Variants in ZNHIT6 observed in about 807,000 individuals in gnomAD.
The protein encoded by ZNHIT6 is zinc finger HIT-type containing 6, also known as box C/D snoRNA protein 1.
Under a neutral mutation model 57.2 loss-of-function variants are expected in ZNHIT6, and 45 were observed. That is an observed-to-expected ratio of 0.79 (90% CI 0.62 to 1.01). ZNHIT6 has a LOEUF of 1.01. Ranked by LOEUF, ZNHIT6 falls within the 50% of genes least tolerant of loss-of-function variation. ZNHIT6 has a pLI of 0.00. For synonymous variants in ZNHIT6, 188 were observed against 190.0 expected (o/e 0.99, Z 0.09); for missense variants, 528 against 567.3 (o/e 0.93, Z 0.70).
chr1:85,696,894 C>T (rs1662387451), intron 5 of ZNHIT6, among the ~76,000 whole-genome samples: 1 of 148,574 alleles, frequency 6.7e-6, no homozygotes, highest in South Asian at 2.2e-4. Context: ...GCTCTGTCTC[C>T]CTGGCTGGAG....
chr1:85,654,220 C>T (rs932615565), intron 9 of ZNHIT6, 122 bp from the exon 10 acceptor site: 16 of 679,426 alleles, frequency 2.4e-5, no homozygotes, highest in African/African-American at 1.7e-4. Context: ...GACACACAAA[C>T]CGCGTCATGT....
At chr1:85,654,184 T>C in intron 9 of ZNHIT6, 86 bp from the exon 10 acceptor site, 1 of 1,186,244 alleles carries the variant, frequency 8.4e-7, no homozygotes, top group South Asian at 1.4e-5. Context: ...CTCCTTCTGA[T>C]GTACAGCAAA....
chr1:85,693,808 C>T (rs1250948031), intron 5 of ZNHIT6, among the ~76,000 whole-genome samples: 1 of 152,148 alleles, frequency 6.6e-6, no homozygotes, highest in African/African-American at 2.4e-5. Flanking sequence ...TAAGATATTT[C>T]ATATGAAGCT....
intron 8 of ZNHIT6, among the ~76,000 whole-genome samples, chr1:85,668,107 A>G (rs936640738): frequency 6.6e-6 from 1 of 150,516 alleles, no homozygotes; most frequent in African/African-American, 2.4e-5. Context: ...TGTAATGTAA[A>G]GTAAAATTTA....
At chr1:85,707,017 C>T (rs1662703788) in intron 1 of ZNHIT6, among the ~76,000 whole-genome samples, 1 of 152,192 alleles carries the variant, frequency 6.6e-6, no homozygotes, top group African/African-American at 2.4e-5. Flanking sequence ...AACCCATCAT[C>T]TGTCCTCAAC....
intron 6 of ZNHIT6, among the ~76,000 whole-genome samples, chr1:85,679,777 G>T (rs147604920): frequency 3.0e-4 from 46 of 152,062 alleles, no homozygotes; most frequent in Admixed American, 1.4e-3. Context: ...TAGAGACGGG[G>T]TTTCACCATG....
intron 8 of ZNHIT6, among the ~76,000 whole-genome samples, chr1:85,658,593 C>T (rs538622935): frequency 4.6e-5 from 7 of 151,822 alleles, no homozygotes; most frequent in East Asian, 2.0e-4. Context: ...TTATGTTGGC[C>T]GGGCACGGTG....
chr1:85,706,638 AT>A, intron 1 of ZNHIT6, 131 bp from the exon 2 acceptor site: 1 of 821,900 alleles, frequency 1.2e-6, no homozygotes, highest in African/African-American at 1.8e-5. Flanking sequence ...GTTGAACATC[AT>A]TTGAAAATTC....
At chr1:85,669,261 T>C (rs2100662744) in intron 8 of ZNHIT6, among the ~76,000 whole-genome samples, 1 of 152,294 alleles carries the variant, frequency 6.6e-6, no homozygotes, top group East Asian at 1.9e-4. Flanking sequence ...GGGGCTCACC[T>C]GAGGCCTTTA....
intron 5 of ZNHIT6, among the ~76,000 whole-genome samples, chr1:85,701,248 C>T (rs933489222): frequency 6.6e-6 from 1 of 152,114 alleles, no homozygotes; most frequent in African/African-American, 2.4e-5. Context: ...AAGAGTACAA[C>T]TGGAAAGGCT....
intron 8 of ZNHIT6, 72 bp downstream of exon 8, chr1:85,677,164 G>T: frequency 9.1e-7 from 1 of 1,095,618 alleles, no homozygotes; most frequent in Non-Finnish European, 1.3e-6. Context: ...AATAACTTGA[G>T]CTAATCAAGC....
At chr1:85,665,663 C>G (rs1387906473) in intron 8 of ZNHIT6, among the ~76,000 whole-genome samples, 1 of 152,092 alleles carries the variant, frequency 6.6e-6, no homozygotes, top group Non-Finnish European at 1.5e-5. Context: ...GATTTTAAAT[C>G]TTAATCTTTA....
rs776734332 is a variant in ZNHIT6 at position 85,707,862 on chromosome 1, C to T, written c.423G>A (p.Lys141=). Residue 141 remains lysine (K), a synonymous_variant, in exon 1 of 10, where the codon AAG becomes AAA. Coordinates refer to ENST00000370574, the MANE Select transcript of ZNHIT6 (RefSeq NM_017953.4). Reference sequence around the variant, plus strand: ...ACCAGTCCATTACCTCTTCCTTTACCTTCTCTTCCTTTACCTCTGGTTCAC... The same window carrying T: ...ACCAGTCCATTACCTCTTCCTTTACTTTCTCTTCCTTTACCTCTGGTTCAC... ...KVGEPEVKEE[K]VKEEVMDWSE... is the part of the protein sequence containing the mutation. 30 of 1,613,812 alleles carry T rather than the reference C, an allele frequency of 1.9e-5. No homozygotes were observed. Among genetic ancestry groups the T allele is most frequent in the Non-Finnish European group, 2.5e-5 (29 of 1,179,992 alleles).
intron 7 of ZNHIT6, among the ~76,000 whole-genome samples, chr1:85,677,578 T>C (rs1570305891): frequency 6.6e-6 from 1 of 152,252 alleles, no homozygotes; most frequent in African/African-American, 2.4e-5. Context: ...TCCTATTCAG[T>C]GACATTTTGT....
At chr1:85,665,743 C>T (rs1484109980) in intron 8 of ZNHIT6, among the ~76,000 whole-genome samples, 1 of 152,156 alleles carries the variant, frequency 6.6e-6, no homozygotes, top group African/African-American at 2.4e-5. Flanking sequence ...CTCATCAGTA[C>T]AGACTCTTAC....
At chr1:85,694,018 T>C (rs1199780207) in intron 5 of ZNHIT6, among the ~76,000 whole-genome samples, 2 of 152,024 alleles carry the variant, frequency 1.3e-5, no homozygotes, top group African/African-American at 4.8e-5. Flanking sequence ...TCTGACTATA[T>C]ATGAAATTTT....
chr1:85,702,086 A>G lies in ZNHIT6; in HGVS notation c.1019+71T>C, dbSNP rs916713005. On this transcript the variant is annotated intron_variant, in intron 5 of 9. Transcript: ENST00000370574. Reference sequence around the variant, plus strand: ...CACACTTGGGGTAGCAATGCTCTATAGCAACCAAACCTTAAAGAATGATCC... The same window carrying G: ...CACACTTGGGGTAGCAATGCTCTATGGCAACCAAACCTTAAAGAATGATCC... The G allele has an allele frequency of 2.8e-6, 3 of 1,058,448 alleles. No individual in the cohort carries two copies. The African/African-American group carries it at 4.8e-5, about 17-fold the overall frequency. The allele number at this position is 1,058,448 out of a possible 1,614,324, so 65.6% of individuals were successfully genotyped here. A position where few individuals can be genotyped will look rare whatever the true frequency, so the allele number is the denominator to read the frequency against.
rs771193728 is a variant in ZNHIT6 at position 85,707,966 on chromosome 1, C to T, written c.319G>A (p.Val107Met). 56 of 1,614,038 alleles carry T rather than the reference C, an allele frequency of 3.5e-5. No homozygotes were observed. Among genetic ancestry groups the T allele is most frequent in the Non-Finnish European group, 4.7e-5 (55 of 1,180,040 alleles). ...VEQEVEDRPE[V>M]KDENAGVLEV... ...AATACGCCTGCGTTCTCATCCTTCA[C>T]CTCAGGCCTATCCTCCACCTCCTGT... Residue 107 changes from valine (V) to methionine (M), a missense_variant, in exon 1 of 10, where the codon GTG becomes ATG. By Grantham distance (21) the Val-to-Met change is conservative. Coordinates refer to ENST00000370574, the MANE Select transcript of ZNHIT6 (RefSeq NM_017953.4).
chr1:85,687,303 A>C (rs112131021), intron 5 of ZNHIT6, among the ~76,000 whole-genome samples: 3,382 of 142,108 alleles, frequency 0.024, 558 homozygotes, highest in Middle Eastern at 0.054. Flanking sequence ...AAAAAACAAA[A>C]AAAAAAAACA....
Sources: gnomAD v4.1 joint callset for allele counts (sites outside exome capture counted in the v4.1 genomes callset) on GRCh38, gnomAD v4.1.1 for gene constraint, MANE v1.5 for transcripts, NCBI Gene and HGNC (gene_info 2026-07-23, HGNC 2026-07-21) for gene names.